Variants in SH3TC2 observed in about 807,000 individuals in gnomAD.
The protein encoded by SH3TC2 is SH3 domain and tetratricopeptide repeats 2.
In SH3TC2, 87 loss-of-function variants were observed where a neutral mutation model predicts 124.5. The observed-to-expected ratio is 0.70, with a 90% CI of 0.59 to 0.84. The LOEUF (loss-of-function observed/expected upper bound fraction) is 0.84, where lower values mean the gene tolerates loss of function less well. SH3TC2 is among the 40% of genes least tolerant of loss of function. The pLI is 0.00. For synonymous variants in SH3TC2, 634 were observed against 628.5 expected (o/e 1.01, Z -0.13); for missense variants, 1,536 against 1,566.4 (o/e 0.98, Z 0.33).
rs190280331 is a variant in SH3TC2, at chr5:149,000,427, C to A, written c.*4284G>T. On this transcript the variant is annotated 3_prime_UTR_variant, in exon 17 of 17. Transcript: ENST00000515425. ...GCCTAGGCTGGGTGCTTGCAATGAG[C>A]AACAGGACCTAGCTTGAAGTTAATG... Among the ~76,000 whole-genome samples, 1 of 152,268 alleles carries A rather than the reference C, an allele frequency of 6.6e-6. No individual in the cohort carries two copies. The highest frequency in any genetic ancestry group is 1.9e-4 in the East Asian group (1 of 5,176).
At chr5:149,052,765 C>G (rs1217257672) in intron 1 of SH3TC2, among the ~76,000 whole-genome samples, 1 of 152,118 alleles carries the variant, frequency 6.6e-6, no homozygotes. Flanking sequence ...AAGTTACTGT[C>G]TTCACAACGG....
intron 2 of SH3TC2, among the ~76,000 whole-genome samples, chr5:149,048,946 A>AT (rs1009227517): frequency 7.9e-5 from 12 of 152,300 alleles, no homozygotes; most frequent in African/African-American, 2.9e-4. Context: ...ATAAACTGAG[A>AT]AGGCGTTGGA....
intron 12 of SH3TC2, among the ~76,000 whole-genome samples, chr5:149,025,137 T>A (rs1002340324): frequency 6.7e-6 from 1 of 149,692 alleles, no homozygotes. Context: ...TCCAGAAGCA[T>A]CCAGACTCCT....
Position 148,994,575 on chromosome 5 carries a change from G to T in SH3TC2, c.*10136C>A, listed in dbSNP as rs1309295340. Among the ~76,000 whole-genome samples, 3 of 151,660 alleles carry T rather than the reference G, an allele frequency of 2.0e-5. No homozygotes were observed. Among genetic ancestry groups the T allele is most frequent in the African/African-American group, 7.3e-5 (3 of 41,240 alleles). Reference sequence around the variant, plus strand: ...GGTTAGTTGGTTGTTTCATTGGTTGGGTATGTGGGTGGTTGGGTGGTTAGA... The same window carrying T: ...GGTTAGTTGGTTGTTTCATTGGTTGTGTATGTGGGTGGTTGGGTGGTTAGA... On this transcript the variant is annotated 3_prime_UTR_variant, in exon 17 of 17. Coordinates refer to ENST00000515425, the MANE Select transcript of SH3TC2 (RefSeq NM_024577.4).
At position 148,987,856 on chromosome 5, in the gene SH3TC2, T is replaced by C. The variant is rs886060108; in HGVS notation, c.*16855A>G. Among the ~76,000 whole-genome samples, 7 of 144,576 alleles carry C rather than the reference T, an allele frequency of 4.8e-5. No homozygotes were observed. In the South Asian group the frequency reaches 6.6e-4, roughly 14 times the overall value. The allele number at this position is 144,576 out of a possible 152,430, so 94.8% of individuals were successfully genotyped here. On this transcript the variant is annotated 3_prime_UTR_variant, in exon 17 of 17. Coordinates refer to ENST00000515425, the MANE Select transcript of SH3TC2 (RefSeq NM_024577.4). ...GTGTGTGTGTGTGTGTGTGTGTGTG[T>C]TCTTTAGATCATGAAACTTCTCATC...
chr5:149,012,538 A>G (rs1753800881), intron 13 of SH3TC2, 46 bp downstream of exon 13: 2 of 1,612,924 alleles, frequency 1.2e-6, no homozygotes, highest in Non-Finnish European at 1.7e-6. Context: ...TGCCTCCCCA[A>G]ATGATCCAAG....
At chr5:149,024,428 C>T (rs1485235602) in intron 12 of SH3TC2, among the ~76,000 whole-genome samples, 1 of 152,172 alleles carries the variant, frequency 6.6e-6, no homozygotes, top group Non-Finnish European at 1.5e-5. Flanking sequence ...ATTTCAGAGG[C>T]ACCCTAGAAA....
Position 149,052,227 on chromosome 5 carries a change from A to G in SH3TC2, c.66T>C (p.Pro22=), listed in dbSNP as rs1754571124. ...SLTRGPGKET[P]SKDPTVSSEC... Reference sequence around the variant, plus strand: ...CACTCGATACAGTTGGATCCTTGGAAGGAGTTTCTTTACCTGGAGAAGATG... The same window carrying G: ...CACTCGATACAGTTGGATCCTTGGAGGGAGTTTCTTTACCTGGAGAAGATG... Residue 22 remains proline (P), a synonymous_variant, in exon 2 of 17, where the codon CCT becomes CCC. Coordinates refer to ENST00000515425, the MANE Select transcript of SH3TC2 (RefSeq NM_024577.4). The G allele has an allele frequency of 6.2e-7, 1 of 1,611,818 alleles. No individual in the cohort carries two copies. The highest frequency in any genetic ancestry group is 1.7e-5 in the Admixed American group (1 of 60,008).
At position 149,003,849 on chromosome 5, in the gene SH3TC2, CAAAAAAAAAAAAAA is replaced by C. The variant is rs5872107; in HGVS notation, c.*848_*861del. ...CTGGGCAACAGAGGAGAAACTGTCT[CAAAAAAAAAAAAAA>C]AAAAAAAAGACATGTATTGGTATTC... On this transcript the variant is annotated 3_prime_UTR_variant, in exon 17 of 17. Transcript: ENST00000515425. 6.3e-6 allele frequency: 1 copy of C among 158,954 alleles called. No individual in the cohort carries two copies. The allele number at this position is 158,954 out of a possible 1,614,324, so 9.8% of individuals were successfully genotyped here.
At chr5:149,016,532 A>G (rs2127394291) in intron 12 of SH3TC2, among the ~76,000 whole-genome samples, 1 of 152,342 alleles carries the variant, frequency 6.6e-6, no homozygotes, top group African/African-American at 2.4e-5. Context: ...CAAAAATGAG[A>G]AAAGAATTGC....
chr5:148,983,225 CGTTT>C lies in SH3TC2; in HGVS notation c.*21482_*21485del, dbSNP rs146796490. Among the ~76,000 whole-genome samples the C allele has an allele frequency of 0.035, 5,280 of 152,232 alleles. 339 individuals are homozygous for C. The highest frequency in any genetic ancestry group is 0.17 in the Admixed American group (2,550 of 15,282). ...GTATTTTTTGTTACTTTGCTTCATT[CGTTT>C]GTTTGTTTTTCAAATTGCCACTTAC... On this transcript the variant is annotated 3_prime_UTR_variant, in exon 17 of 17. Coordinates refer to ENST00000515425, the MANE Select transcript of SH3TC2 (RefSeq NM_024577.4).
intron 1 of SH3TC2, among the ~76,000 whole-genome samples, chr5:149,058,014 G>A (rs1035913540): frequency 3.9e-5 from 6 of 152,110 alleles, no homozygotes; most frequent in African/African-American, 1.4e-4. Context: ...TGGAGCTGTG[G>A]CACCCACCAC....
intron 4 of SH3TC2, among the ~76,000 whole-genome samples, 160 bp from the exon 5 acceptor site, chr5:149,042,997 C>T (rs1049099398): frequency 6.6e-6 from 1 of 152,208 alleles, no homozygotes; most frequent in Non-Finnish European, 1.5e-5. Context: ...CAAAGCCAGA[C>T]ATTTTCTAGA....
rs889065112 is a variant in SH3TC2 at position 148,984,687 on chromosome 5, C to T, written c.*20024G>A. Among the ~76,000 whole-genome samples, 4 of 152,136 alleles carry T rather than the reference C, an allele frequency of 2.6e-5. No individual in the cohort carries two copies. Among genetic ancestry groups the T allele is most frequent in the Admixed American group, 2.6e-4 (4 of 15,248 alleles). ...GCATGTATCCCTGAAGGGTAAATGT[C>T]CACATTTGCTTAGATGTTTAGTGGG... is the stretch of plus-strand genomic sequence containing the variant. On this transcript the variant is annotated 3_prime_UTR_variant, in exon 17 of 17. Transcript: ENST00000515425.
Position 148,984,917 on chromosome 5 carries a change from T to A in SH3TC2, c.*19794A>T, listed in dbSNP as rs1753309768. Among the ~76,000 whole-genome samples the A allele has an allele frequency of 6.6e-6, 1 of 152,160 alleles. No homozygotes were observed. Among genetic ancestry groups the A allele is most frequent in the Non-Finnish European group, 1.5e-5 (1 of 68,032 alleles). The stretch of plus-strand genomic sequence containing the variant: ...AATGATGCCAAAAAGCATAATGGGT[T>A]ATAGAGGTACCATTTACAAAGTGTA... On this transcript the variant is annotated 3_prime_UTR_variant, in exon 17 of 17. Transcript: ENST00000515425.
At position 149,028,663 on chromosome 5, in the gene SH3TC2, T is replaced by C. The variant is rs1217015867; in HGVS notation, c.1177+14A>G. On this transcript the variant is annotated intron_variant, in intron 10 of 16. Coordinates refer to ENST00000515425, the MANE Select transcript of SH3TC2 (RefSeq NM_024577.4). ...TCAAGGATGAATGTCAGGTTCAGCA[T>C]GATCGCTACTCACCACTCAGATCAT... 3 of 1,614,082 alleles carry C rather than the reference T, an allele frequency of 1.9e-6. No individual in the cohort carries two copies. The highest frequency in any genetic ancestry group is 2.7e-5 in the African/African-American group (2 of 74,934).
rs886060123 is a variant in SH3TC2, at chr5:148,992,565, G to C, written c.*12146C>G. On this transcript the variant is annotated 3_prime_UTR_variant, in exon 17 of 17. Transcript: ENST00000515425. ...GAGGCCTTTGAAAGTATGTGTATGG[G>C]TGTGTATACATAATTCCAAGAAGAG... 3.4e-5 allele frequency among the ~76,000 whole-genome samples: 5 copies of C among 147,656 alleles called. No individual in the cohort carries two copies. The highest frequency in any genetic ancestry group is 3.4e-4 in the Admixed American group (5 of 14,822).
intron 8 of SH3TC2, among the ~76,000 whole-genome samples, 179 bp downstream of exon 8, chr5:149,038,116 G>A (rs1040684801): frequency 2.0e-5 from 3 of 152,142 alleles, no homozygotes; most frequent in African/African-American, 7.2e-5. Context: ...AAAATAAACT[G>A]AACTGACGCA....
intron 12 of SH3TC2, among the ~76,000 whole-genome samples, chr5:149,023,583 C>CTTTTTT (rs5872108): frequency 2.8e-5 from 3 of 107,258 alleles, no homozygotes; most frequent in African/African-American, 3.8e-5. Context: ...TAGTGTAATC[C>CTTTTTT]TTTTTTTTTT....
Sources: allele counts gnomAD v4.1 joint callset (sites outside exome capture counted in the v4.1 genomes callset), GRCh38; gene constraint gnomAD v4.1.1; transcripts MANE v1.5; gene names NCBI Gene and HGNC (gene_info 2026-07-23, HGNC 2026-07-21).